The following ADAMTSL3 variants were observed in gnomAD, a reference collection of about 807,000 sequenced individuals.
The protein encoded by ADAMTSL3 is ADAMTS-like protein 3.
ADAMTSL3 carries 128 observed loss-of-function variants against 201.7 expected under a neutral mutation model. The observed-to-expected ratio is 0.63, with a 90% CI of 0.55 to 0.73. ADAMTSL3 has a LOEUF of 0.73. ADAMTSL3 is among the 30% of genes least tolerant of loss of function. The probability of loss-of-function intolerance (pLI) is 0.00; values close to 1 mark genes in which losing one functional copy is unlikely to be tolerated. For synonymous variants in ADAMTSL3, 738 were observed against 748.4 expected, an observed-to-expected ratio of 0.99 and a Z score of 0.23; for missense variants, 1,990 against 2,119.6, an observed-to-expected ratio of 0.94 and a Z score of 1.20.
intron 3 of ADAMTSL3, among the ~76,000 whole-genome samples, chr15:83,706,541 G>A (rs1475197405): frequency 1.3e-5 from 2 of 152,192 alleles, no homozygotes; most frequent in East Asian, 1.9e-4. Context: ...GAAAATAGGC[G>A]CTTGGACTAA....
chr15:83,804,777 C>A, intron 5 of ADAMTSL3, 82 bp downstream of exon 5: 1 of 1,120,918 alleles, frequency 8.9e-7, no homozygotes, highest in Non-Finnish European at 1.3e-6. Context: ...TACTCTAAAA[C>A]TGATGGTCTC....
intron 5 of ADAMTSL3, among the ~76,000 whole-genome samples, chr15:83,814,822 A>G (rs1254020949): frequency 1.3e-5 from 2 of 152,218 alleles, no homozygotes; most frequent in African/African-American, 4.8e-5. Context: ...TCTGATCTAC[A>G]TGAAAGCTTG....
intron 4 of ADAMTSL3, among the ~76,000 whole-genome samples, chr15:83,790,214 A>G (rs1427602488): frequency 6.8e-6 from 1 of 147,854 alleles, no homozygotes; most frequent in Non-Finnish European, 1.5e-5. Flanking sequence ...AAGAGAAGGA[A>G]TACTTTCCAA....
intron 3 of ADAMTSL3, among the ~76,000 whole-genome samples, chr15:83,752,611 T>G (rs980737949): frequency 6.6e-6 from 1 of 152,232 alleles, no homozygotes; most frequent in Admixed American, 6.5e-5. Flanking sequence ...ATTATAACTT[T>G]CTGTAATTAT....
intron 9 of ADAMTSL3, among the ~76,000 whole-genome samples, chr15:83,873,310 A>AG (rs2065116521): frequency 1.4e-5 from 2 of 145,910 alleles, no homozygotes; most frequent in African/African-American, 5.2e-5. Flanking sequence ...TCTCAAAAAA[A>AG]TAGTAATTAA....
chr15:83,723,590 G>C (rs909625448), intron 3 of ADAMTSL3, among the ~76,000 whole-genome samples: 1 of 152,142 alleles, frequency 6.6e-6, no homozygotes, highest in Non-Finnish European at 1.5e-5. Flanking sequence ...TGGGATTTCT[G>C]AGATGGAATA....
intron 23 of ADAMTSL3, among the ~76,000 whole-genome samples, chr15:83,995,328 T>C (rs1435089630): frequency 6.6e-6 from 1 of 152,180 alleles, no homozygotes; most frequent in Non-Finnish European, 1.5e-5. Flanking sequence ...TCTGATAAAC[T>C]TCAACACGAA....
At chr15:83,912,121 A>C (rs1194687292) in intron 15 of ADAMTSL3, among the ~76,000 whole-genome samples, 1 of 152,210 alleles carries the variant, frequency 6.6e-6, no homozygotes, top group African/African-American at 2.4e-5. Flanking sequence ...GAGTATCTTA[A>C]ATATATCTGT....
In ADAMTSL3 at chr15:83,714,821, TCC is replaced by T. The variant is rs1413542915; in HGVS notation, c.189+10314_189+10315del. Among the ~76,000 whole-genome samples, 498 of 140,280 alleles carry T rather than the reference TCC, an allele frequency of 3.6e-3. 8 individuals are homozygous for T. The highest frequency in any genetic ancestry group is 6.0e-3 in the Non-Finnish European group (377 of 62,498). 92.0% of individuals were successfully genotyped at this position (140,280 alleles called of 152,430 possible). A position where few individuals can be genotyped will look rare whatever the true frequency, so the allele number is the denominator to read the frequency against. ...TCTCTTTCTTTCTTCTTTCTTTCTT[TCC>T]TTCTCTCTCTCTTTCTTTCTCTCTC... On this transcript the variant is annotated intron_variant, in intron 3 of 29. Coordinates refer to ENST00000286744, the MANE Select transcript of ADAMTSL3 (RefSeq NM_207517.3).
At chr15:83,943,109 C>T in intron 19 of ADAMTSL3, 27 bp downstream of exon 19, 2 of 1,566,312 alleles carry the variant, frequency 1.3e-6, no homozygotes, top group Non-Finnish European at 1.7e-6. Context: ...ACTTTATAGT[C>T]CCTTCTTTTC....
intron 6 of ADAMTSL3, among the ~76,000 whole-genome samples, chr15:83,822,442 G>T (rs2063898692): frequency 1.4e-5 from 2 of 145,828 alleles, no homozygotes; most frequent in African/African-American, 2.6e-5. Flanking sequence ...CTCAGACGGG[G>T]CGGTTGCCAG....
At chr15:83,933,788 G>C (rs539561047) in intron 17 of ADAMTSL3, among the ~76,000 whole-genome samples, 1 of 152,170 alleles carries the variant, frequency 6.6e-6, no homozygotes, top group Non-Finnish European at 1.5e-5. Flanking sequence ...TGCATCCCAG[G>C]CATGGCTAAA....
intron 3 of ADAMTSL3, among the ~76,000 whole-genome samples, chr15:83,757,777 C>T (rs1444030080): frequency 6.6e-6 from 1 of 152,280 alleles, no homozygotes; most frequent in East Asian, 1.9e-4. Flanking sequence ...ACCCAAGTAA[C>T]CTCTTGAATG....
At chr15:83,792,990 T>C (rs2063366462) in intron 4 of ADAMTSL3, among the ~76,000 whole-genome samples, 1 of 152,136 alleles carries the variant, frequency 6.6e-6, no homozygotes, top group Non-Finnish European at 1.5e-5. Flanking sequence ...CACAATATAA[T>C]ACTATTCAGC....
rs150618994 is a variant in ADAMTSL3 at position 83,982,554 on chromosome 15, G to T, written c.2926G>T (p.Asp976Tyr). The change falls in exon 21 of 30, where the codon GAC becomes TAC. Residue 976 changes from aspartate (D) to tyrosine (Y), a missense_variant. By Grantham distance (160) the Asp-to-Tyr change is radical (BLOSUM62 -3). Coordinates refer to ENST00000286744, the MANE Select transcript of ADAMTSL3 (RefSeq NM_207517.3). Reference sequence around the variant, plus strand: ...AAAAATCCATGGTCTTGCTGCCCCCGACATCGGCGTGTACCGGTGCATTGC... The same window carrying T: ...AAAAATCCATGGTCTTGCTGCCCCCTACATCGGCGTGTACCGGTGCATTGC... ...SLKIHGLAAP[D>Y]IGVYRCIAGS... 6.2e-7 allele frequency: 1 copy of T among 1,614,006 alleles called. No homozygotes were observed. Among genetic ancestry groups the T allele is most frequent in the Admixed American group, 1.7e-5 (1 of 60,004 alleles).
chr15:83,678,033 C>A (rs2061429718), intron 2 of ADAMTSL3, among the ~76,000 whole-genome samples: 1 of 151,984 alleles, frequency 6.6e-6, no homozygotes, highest in African/African-American at 2.4e-5. Flanking sequence ...ACTTTACCAC[C>A]TCACTTAGTG....
intron 17 of ADAMTSL3, among the ~76,000 whole-genome samples, chr15:83,926,481 T>C (rs888180570): frequency 4.6e-5 from 7 of 152,228 alleles, no homozygotes; most frequent in Non-Finnish European, 4.4e-5. Context: ...TATAAATCTT[T>C]TAAGAAAATT....
At chr15:83,739,713 C>G (rs1179270306) in intron 3 of ADAMTSL3, 1 of 347,772 alleles carries the variant, frequency 2.9e-6, no homozygotes, top group African/African-American at 2.1e-5. Context: ...TCTTGGTAGT[C>G]TGTTAGTGGG....
At position 83,937,474 on chromosome 15, in the gene ADAMTSL3, CAA is replaced by C. The variant is rs200488101; in HGVS notation, c.2118-5120_2118-5119del. ...GCTAAATATTGAGAATACATCAACA[CAA>C]AGAAGGGAACAACAGACATCAGGGT... On this transcript the variant is annotated intron_variant, in intron 17 of 29. Transcript: ENST00000286744. Among the ~76,000 whole-genome samples, 1,106 of 150,732 alleles carry C rather than the reference CAA, an allele frequency of 7.3e-3. 82 individuals carry two copies. Among genetic ancestry groups the C allele is most frequent in the African/African-American group, 0.026 (1,045 of 40,166 alleles).
Sources: allele counts gnomAD v4.1 joint callset (sites outside exome capture counted in the v4.1 genomes callset), GRCh38; gene constraint gnomAD v4.1.1; transcripts MANE v1.5; gene names NCBI Gene and HGNC (gene_info 2026-07-23, HGNC 2026-07-21).